NEBL: variants seen among roughly 807,000 people sequenced by gnomAD.
The protein encoded by NEBL is LIM and SH3 protein 2.
In NEBL, 122 loss-of-function variants were observed where a neutral mutation model predicts 140.2. That is an observed-to-expected ratio of 0.87 (90% CI 0.75 to 1.01). NEBL has a LOEUF of 1.01. Among genes scored for constraint, NEBL ranks in the 50% least tolerant of loss-of-function variants. The pLI, the probability that NEBL is intolerant of heterozygous loss-of-function variation, is 0.00. For synonymous variants in NEBL, 436 were observed against 398.9 expected, an observed-to-expected ratio of 1.09 and a Z score of -1.11; for missense variants, 1,365 against 1,231.3, an observed-to-expected ratio of 1.11 and a Z score of -1.62.
At chr10:20,907,020 A>G (rs756709202) in intron 4 of NEBL, among the ~76,000 whole-genome samples, 1 of 152,162 alleles carries the variant, frequency 6.6e-6, no homozygotes, top group Non-Finnish European at 1.5e-5. Flanking sequence ...AACTAGCCAC[A>G]TTTTAAGTGT....
At chr10:21,195,725 A>T (rs1237872010) in intron 3 of NEBL, among the ~76,000 whole-genome samples, 1 of 152,238 alleles carries the variant, frequency 6.6e-6, no homozygotes, top group Non-Finnish European at 1.5e-5. Flanking sequence ...CATGTGAACT[A>T]GTCAAGTTTA....
chr10:21,288,854 AT>A lies in NEBL; in HGVS notation n.182+3975del, dbSNP rs369909277. 2.3e-3 allele frequency among the ~76,000 whole-genome samples: 221 copies of A among 98,064 alleles called. 9 individuals carry two copies. The highest frequency in any genetic ancestry group is 8.4e-3 in the African/African-American group (190 of 22,722). The allele number at this position is 98,064 out of a possible 152,430, so 64.3% of individuals were successfully genotyped here. Reference sequence around the variant, plus strand: ...TATATATATATATATATATATAAAAATTTTTTTTTTTTGAGACGGAGTCTTG... The same window carrying A: ...TATATATATATATATATATATAAAAATTTTTTTTTTTGAGACGGAGTCTTG... On this transcript the variant is annotated intron_variant and non_coding_transcript_variant, in intron 1 of 8. Transcript: ENST00000675702.
At chr10:21,212,301 A>G (rs916851456) in intron 3 of NEBL, among the ~76,000 whole-genome samples, 4 of 152,104 alleles carry the variant, frequency 2.6e-5, no homozygotes, top group Non-Finnish European at 4.4e-5. Flanking sequence ...GTACAACACA[A>G]TCTTTTTAAT....
At chr10:21,071,970 C>T (rs1316313117) in intron 2 of NEBL, among the ~76,000 whole-genome samples, 1 of 152,132 alleles carries the variant, frequency 6.6e-6, no homozygotes, top group African/African-American at 2.4e-5. Context: ...AGGTGCCTGC[C>T]ACCACACCCA....
At chr10:20,993,310 G>A (rs1486609885) in intron 3 of NEBL, among the ~76,000 whole-genome samples, 1 of 152,138 alleles carries the variant, frequency 6.6e-6, no homozygotes, top group Non-Finnish European at 1.5e-5. Context: ...TATGAATGAC[G>A]TTGATTTACT....
At chr10:21,166,913 A>G (rs1053786660) in intron 2 of NEBL, among the ~76,000 whole-genome samples, 6 of 152,222 alleles carry the variant, frequency 3.9e-5, no homozygotes, top group Non-Finnish European at 7.3e-5. Flanking sequence ...AACTACAGAT[A>G]AGGAAAATAG....
At chr10:21,224,476 A>G (rs767216950) in intron 3 of NEBL, among the ~76,000 whole-genome samples, 1 of 152,178 alleles carries the variant, frequency 6.6e-6, no homozygotes. Flanking sequence ...CTTTTTGCTC[A>G]GGATAGTTTT....
At chr10:20,924,517 C>G (rs1043317598) in intron 4 of NEBL, among the ~76,000 whole-genome samples, 83 of 105,498 alleles carry the variant, frequency 7.9e-4, no homozygotes, top group Non-Finnish European at 1.4e-3. Flanking sequence ...CAGAGAGTAT[C>G]TTGTATAAAA....
intron 26 of NEBL, among the ~76,000 whole-genome samples, chr10:20,791,248 C>G (rs1239004044): frequency 6.6e-6 from 1 of 152,148 alleles, no homozygotes; most frequent in Non-Finnish European, 1.5e-5. Flanking sequence ...CAAAATGTCT[C>G]TTCTACTGTA....
rs144700461 is a variant in NEBL, at chr10:21,107,396, G to A, written c.164+64987C>T. Among the ~76,000 whole-genome samples, 386 of 152,172 alleles carry A rather than the reference G, an allele frequency of 2.5e-3. 1 individual carries two copies. The highest frequency in any genetic ancestry group is 8.8e-3 in the African/African-American group (365 of 41,530). On this transcript the variant is annotated intron_variant, in intron 2 of 6. Transcript: ENST00000417816. The stretch of plus-strand genomic sequence containing the variant: ...GCATGAAGACCTGTTGAATTTTGTC[G>A]GAGGCCTTTTCTGCATCTATTGAGA...
At chr10:20,861,947 C>T (rs534329998) in intron 7 of NEBL, among the ~76,000 whole-genome samples, 5 of 152,166 alleles carry the variant, frequency 3.3e-5, no homozygotes, top group Non-Finnish European at 7.3e-5. Context: ...TTCGCCTGGC[C>T]TACCTTAAAC....
intron 3 of NEBL, among the ~76,000 whole-genome samples, chr10:20,991,770 C>A (rs755113519): frequency 6.7e-6 from 1 of 149,946 alleles, no homozygotes; most frequent in African/African-American, 2.5e-5. Context: ...CTCCCTCCCC[C>A]CCTCCCCTTT....
chr10:20,855,805 G>A (rs531181059), intron 9 of NEBL, among the ~76,000 whole-genome samples: 14 of 152,176 alleles, frequency 9.2e-5, no homozygotes, highest in Admixed American at 2.0e-4. Flanking sequence ...TAAAATAAAA[G>A]TAACTCTGAT....
intron 2 of NEBL, among the ~76,000 whole-genome samples, chr10:21,065,745 C>G (rs1046780080): frequency 1.3e-5 from 2 of 152,164 alleles, no homozygotes; most frequent in African/African-American, 2.4e-5. Flanking sequence ...GCTGAAAAGC[C>G]CCAGGGGCTG....
chr10:21,234,049 A>G (rs1842313393), intron 3 of NEBL, among the ~76,000 whole-genome samples: 1 of 150,228 alleles, frequency 6.7e-6, no homozygotes, highest in African/African-American at 2.4e-5. Context: ...ATAGATAGAT[A>G]TCTCCAAGAA....
At chr10:21,271,807 T>C (rs4634987) in intron 1 of NEBL, among the ~76,000 whole-genome samples, 37,416 of 152,054 alleles carry the variant, frequency 0.25, 5,927 homozygotes, top group African/African-American at 0.45. Context: ...ATTACAGGCG[T>C]GAGCCACTGC....
At chr10:21,061,249 T>C (rs867739417) in intron 2 of NEBL, among the ~76,000 whole-genome samples, 1 of 147,102 alleles carries the variant, frequency 6.8e-6, no homozygotes, top group Non-Finnish European at 1.5e-5. Context: ...ATATATTACA[T>C]ATTATGTGAT....
chr10:21,227,064 T>C (rs1192487199), intron 3 of NEBL, among the ~76,000 whole-genome samples: 1 of 152,210 alleles, frequency 6.6e-6, no homozygotes, highest in Non-Finnish European at 1.5e-5. Context: ...TCTTATAAAA[T>C]AGCTGAAATC....
rs552424821 is a variant in NEBL at position 21,255,474 on chromosome 10, G to A, written n.183-3646C>T. ...TCAATACAGTAGCCATTAACCACAC[G>A]CAACTACTTAGATTTAAATTTAAAT... On this transcript the variant is annotated intron_variant and non_coding_transcript_variant, in intron 1 of 8. Transcript: ENST00000675702. Among the ~76,000 whole-genome samples, 25 of 152,142 alleles carry A rather than the reference G, an allele frequency of 1.6e-4. No individual in the cohort carries two copies. In the East Asian group the frequency reaches 4.3e-3, roughly 26 times the overall value.
Sources: allele counts gnomAD v4.1 joint callset (sites outside exome capture counted in the v4.1 genomes callset), GRCh38; gene constraint gnomAD v4.1.1; transcripts MANE v1.5; gene names NCBI Gene and HGNC (gene_info 2026-07-23, HGNC 2026-07-21).